Variants in HMGB1 observed in about 807,000 individuals in gnomAD.
The protein encoded by HMGB1 is high mobility group box 1, also known as high mobility group protein B1.
For missense variants in HMGB1, 79 were observed against 253.5 expected, an observed-to-expected ratio of 0.31 and a Z score of 4.67; for synonymous variants, 81 against 84.0, an observed-to-expected ratio of 0.96 and a Z score of 0.19.
Position 30,598,622 on chromosome 13 carries a change from T to C in HMGB1, c.-15+18049A>G, listed in dbSNP as rs75463125. 7.5e-3 allele frequency among the ~76,000 whole-genome samples: 1,148 copies of C among 152,230 alleles called. 10 individuals are homozygous for C. Among genetic ancestry groups the C allele is most frequent in the African/African-American group, 0.025 (1,057 of 41,542 alleles). On this transcript the variant is annotated intron_variant, in intron 1 of 4. Coordinates refer to the HMGB1 transcript ENST00000405805. Reference sequence around the variant, plus strand: ...GAAAATATAGGAAGTGAGCTATAGCTGGCCTATATGCATGTATGTTGGAAC... The same window carrying C: ...GAAAATATAGGAAGTGAGCTATAGCCGGCCTATATGCATGTATGTTGGAAC...
At chr13:30,464,473 C>T (rs1198400626) in intron 1 of HMGB1, 4 of 984,848 alleles carry the variant, frequency 4.1e-6, no homozygotes, top group African/African-American at 1.7e-5. Context: ...GCGGGGCGAG[C>T]CCCCCGCCCC....
intron 1 of HMGB1, among the ~76,000 whole-genome samples, chr13:30,571,556 A>G (rs1870435273): frequency 6.6e-6 from 1 of 152,176 alleles, no homozygotes; most frequent in Non-Finnish European, 1.5e-5. Flanking sequence ...AGCCTCCCAA[A>G]GTGCTGGGAT....
At chr13:30,586,350 T>C (rs1368799939) in intron 1 of HMGB1, among the ~76,000 whole-genome samples, 4 of 152,210 alleles carry the variant, frequency 2.6e-5, no homozygotes, top group Admixed American at 2.6e-4. Context: ...GACCTCTAAA[T>C]GTTAAGAACA....
intron 1 of HMGB1, among the ~76,000 whole-genome samples, chr13:30,534,376 TG>T (rs1327742365): frequency 6.6e-6 from 1 of 152,218 alleles, no homozygotes; most frequent in Non-Finnish European, 1.5e-5. Context: ...TCTACAAAAA[TG>T]GATGCGAGCA....
At chr13:30,514,961 T>G (rs1373924806) in intron 1 of HMGB1, among the ~76,000 whole-genome samples, 1 of 152,106 alleles carries the variant, frequency 6.6e-6, no homozygotes, top group East Asian at 1.9e-4. Flanking sequence ...ATGACGAGAG[T>G]TGACTCCCAT....
At chr13:30,598,215 A>G (rs1280465069) in intron 1 of HMGB1, among the ~76,000 whole-genome samples, 1 of 152,370 alleles carries the variant, frequency 6.6e-6, no homozygotes, top group Non-Finnish European at 1.5e-5. Flanking sequence ...ATCTCACAAA[A>G]TGACTTACAT....
At chr13:30,481,030 T>C (rs1469720178) in intron 1 of HMGB1, among the ~76,000 whole-genome samples, 2 of 151,338 alleles carry the variant, frequency 1.3e-5, no homozygotes, top group Non-Finnish European at 2.9e-5. Flanking sequence ...CTTGAATCTT[T>C]TTCCTCTTGT....
intron 1 of HMGB1, among the ~76,000 whole-genome samples, chr13:30,505,367 A>G (rs529402490): frequency 3.2e-4 from 49 of 152,110 alleles, no homozygotes; most frequent in East Asian, 7.7e-4. Context: ...TTTAGTAGAG[A>G]CAGGGTTTCA....
At chr13:30,514,977 G>T (rs1408653420) in intron 1 of HMGB1, among the ~76,000 whole-genome samples, 1 of 152,200 alleles carries the variant, frequency 6.6e-6, no homozygotes, top group Non-Finnish European at 1.5e-5. Flanking sequence ...CCCATGATTA[G>T]GTTGTGTTAG....
intron 1 of HMGB1, among the ~76,000 whole-genome samples, chr13:30,566,737 T>C (rs1371549026): frequency 6.6e-6 from 1 of 152,210 alleles, no homozygotes; most frequent in African/African-American, 2.4e-5. Flanking sequence ...AACAAAGAGA[T>C]TGTACCCACC....
intron 1 of HMGB1, among the ~76,000 whole-genome samples, chr13:30,578,817 C>T (rs1447425156): frequency 6.6e-6 from 1 of 152,204 alleles, no homozygotes; most frequent in Non-Finnish European, 1.5e-5. Context: ...GCTTTCAAAC[C>T]TCCCTGACTT....
chr13:30,456,780 G>GGGGGA lies in HMGB1; in HGVS notation c.*4576_*4577insTCCCC, dbSNP rs1356201662. The GGGGGA allele has an allele frequency of 4.1e-5, 5 of 120,484 alleles. No individual in the cohort carries two copies. The highest frequency in any genetic ancestry group is 2.0e-4 in the African/African-American group (5 of 24,640). The allele number at this position is 120,484 out of a possible 1,614,324, so 7.5% of individuals were successfully genotyped here. On this transcript the variant is annotated 3_prime_UTR_variant, in exon 5 of 5. Coordinates refer to ENST00000341423, the MANE Select transcript of HMGB1 (RefSeq NM_002128.7). Reference sequence around the variant, plus strand: ...GTGGGCGGGGGGGGGGGGTGGTGGGGTGCAATTTATCAACATCTTCCAAAA... The same window carrying GGGGGA: ...GTGGGCGGGGGGGGGGGGTGGTGGGGGGGGATGCAATTTATCAACATCTTCCAAAA...
intron 1 of HMGB1, among the ~76,000 whole-genome samples, chr13:30,549,311 C>A (rs1869310239): frequency 6.6e-6 from 1 of 152,070 alleles, no homozygotes; most frequent in Non-Finnish European, 1.5e-5. Flanking sequence ...AATGTCTGAC[C>A]AGATTGGGGC....
rs1886251485 is a variant in HMGB1, at chr13:30,460,484, C to T, written c.*873G>A. On this transcript the variant is annotated 3_prime_UTR_variant, in exon 5 of 5. Coordinates refer to ENST00000341423, the MANE Select transcript of HMGB1 (RefSeq NM_002128.7). ...CAGGTCTTCTTTAATGTGGGAACTG[C>T]AAAATATAACTGCCATTACATGGTA... is the stretch of plus-strand genomic sequence containing the variant. 6.6e-6 allele frequency: 1 copy of T among 151,410 alleles called. No individual in the cohort carries two copies. Among genetic ancestry groups the T allele is most frequent in the Non-Finnish European group, 1.5e-5 (1 of 67,742 alleles). The allele number at this position is 151,410 out of a possible 1,614,324, so 9.4% of individuals were successfully genotyped here.
chr13:30,561,638 G>A (rs1440949704), intron 1 of HMGB1, among the ~76,000 whole-genome samples: 1 of 152,172 alleles, frequency 6.6e-6, no homozygotes, highest in Non-Finnish European at 1.5e-5. Context: ...TGTAAGAGTG[G>A]AAGCAGAGGG....
At chr13:30,531,509 C>CAT (rs3222599) in intron 1 of HMGB1, among the ~76,000 whole-genome samples, 1 of 135,590 alleles carries the variant, frequency 7.4e-6, no homozygotes, top group African/African-American at 2.8e-5. Flanking sequence ...GTAACATATA[C>CAT]GTGTGTGTGT....
chr13:30,569,030 T>C lies in HMGB1; in HGVS notation c.-15+47641A>G, dbSNP rs566236855. On this transcript the variant is annotated intron_variant, in intron 1 of 4. Coordinates refer to the HMGB1 transcript ENST00000405805. Reference sequence around the variant, plus strand: ...CATCTCTATTAAAAATAAAAATTAGTTGGGCATGGTGGTGTGCATCTGTAA... The same window carrying C: ...CATCTCTATTAAAAATAAAAATTAGCTGGGCATGGTGGTGTGCATCTGTAA... 5.9e-5 allele frequency among the ~76,000 whole-genome samples: 9 copies of C among 152,132 alleles called. No individual in the cohort carries two copies. The East Asian group carries it at 1.4e-3, about 23-fold the overall frequency.
intron 1 of HMGB1, among the ~76,000 whole-genome samples, chr13:30,577,283 C>G (rs1593322444): frequency 6.7e-6 from 1 of 149,174 alleles, no homozygotes; most frequent in African/African-American, 2.5e-5. Flanking sequence ...GAGGCTGCAG[C>G]AAGCTATGAT....
At chr13:30,617,165 C>CT (rs1216318665) in exon 1 of HMGB1, 1 of 152,182 alleles carries the variant, frequency 6.6e-6, no homozygotes, top group Non-Finnish European at 1.5e-5. Flanking sequence ...GTTGACTAGT[C>CT]AGAACGGGTC....
Sources: allele counts gnomAD v4.1 joint callset (sites outside exome capture counted in the v4.1 genomes callset), GRCh38; gene constraint gnomAD v4.1.1; transcripts MANE v1.5; gene names NCBI Gene and HGNC (gene_info 2026-07-23, HGNC 2026-07-21).